MACROD2: variants seen among roughly 807,000 people sequenced by gnomAD.
The protein encoded by MACROD2 is mono-ADP ribosylhydrolase 2, also known as ADP-ribose glycohydrolase MACROD2.
A neutral mutation model predicts 70.4 loss-of-function variants in MACROD2; 36 were observed. The ratio of observed to expected loss-of-function variants is 0.51; its 90% CI spans 0.39 to 0.68. The LOEUF (loss-of-function observed/expected upper bound fraction) is 0.68. Ranked by LOEUF, MACROD2 falls within the 30% of genes least tolerant of loss-of-function variation. The pLI, the probability that MACROD2 is intolerant of heterozygous loss-of-function variation, is 0.00. For missense variants in MACROD2, 496 were observed against 538.4 expected (o/e 0.92, Z 0.78); for synonymous variants, 172 against 178.8 (o/e 0.96, Z 0.30).
At chr20:15,770,074 ATTTAT>A (rs1164204666) in intron 8 of MACROD2, among the ~76,000 whole-genome samples, 1 of 133,496 alleles carries the variant, frequency 7.5e-6, no homozygotes, top group Non-Finnish European at 1.6e-5. Context: ...TATTTTTTTA[ATTTAT>A]TTTAATTTTC....
intron 8 of MACROD2, among the ~76,000 whole-genome samples, chr20:15,539,487 G>T (rs1385830359): frequency 6.6e-6 from 1 of 152,104 alleles, no homozygotes; most frequent in African/African-American, 2.4e-5. Context: ...TCCAGCAATT[G>T]CTTCTTTGTT....
At chr20:15,027,544 A>ATGG (rs1555775289) in intron 5 of MACROD2, among the ~76,000 whole-genome samples, 3 of 136,890 alleles carry the variant, frequency 2.2e-5, no homozygotes, top group African/African-American at 5.0e-5. Flanking sequence ...GGTGGTAGTG[A>ATGG]TGGTGGTGGT....
chr20:14,785,117 G>A (rs749967871), intron 5 of MACROD2, among the ~76,000 whole-genome samples: 8 of 151,772 alleles, frequency 5.3e-5, no homozygotes, highest in Non-Finnish European at 1.2e-4. Context: ...GAAACAAATT[G>A]CCTCTCAGTC....
chr20:15,410,848 A>C (rs2046068023), intron 6 of MACROD2, among the ~76,000 whole-genome samples: 1 of 152,190 alleles, frequency 6.6e-6, no homozygotes, highest in South Asian at 2.1e-4. Flanking sequence ...CCCATTCAAC[A>C]TATGATCATG....
intron 5 of MACROD2, among the ~76,000 whole-genome samples, chr20:14,945,557 C>T (rs1390076301): frequency 6.6e-6 from 1 of 152,122 alleles, no homozygotes; most frequent in African/African-American, 2.4e-5. Flanking sequence ...CATTTGGGTA[C>T]CTTCCTTGCT....
At chr20:15,365,746 G>A (rs1568752213) in intron 6 of MACROD2, among the ~76,000 whole-genome samples, 2 of 151,700 alleles carry the variant, frequency 1.3e-5, no homozygotes, top group African/African-American at 4.8e-5. Flanking sequence ...TATCAAAAGA[G>A]TTTTTAAATT....
chr20:15,668,499 C>T (rs979265047), intron 8 of MACROD2, among the ~76,000 whole-genome samples: 3 of 151,906 alleles, frequency 2.0e-5, no homozygotes, highest in African/African-American at 7.3e-5. Flanking sequence ...ACCTGGGAGG[C>T]GGAGCTTGCA....
chr20:14,083,543 C>T (rs2054029788), intron 2 of MACROD2, among the ~76,000 whole-genome samples: 1 of 152,082 alleles, frequency 6.6e-6, no homozygotes, highest in Non-Finnish European at 1.5e-5. Context: ...TTTATCCAGA[C>T]TCACCCAGCT....
intron 3 of MACROD2, among the ~76,000 whole-genome samples, chr20:14,279,227 A>C (rs1006615233): frequency 1.1e-4 from 16 of 152,236 alleles, no homozygotes; most frequent in Admixed American, 2.6e-4. Flanking sequence ...ACAGAGAAGG[A>C]AAATAATTTC....
At chr20:14,011,057 G>A (rs541323338) in intron 2 of MACROD2, among the ~76,000 whole-genome samples, 13 of 152,232 alleles carry the variant, frequency 8.5e-5, no homozygotes, top group African/African-American at 3.1e-4. Context: ...GTGTAGTGCT[G>A]CTTAAAGGTC....
At chr20:15,813,609 C>A (rs2063842620) in intron 8 of MACROD2, among the ~76,000 whole-genome samples, 1 of 152,066 alleles carries the variant, frequency 6.6e-6, no homozygotes, top group African/African-American at 2.4e-5. Flanking sequence ...GAGATCTTGT[C>A]TCTATAAAAA....
chr20:15,449,700 A>G (rs2046614871), intron 7 of MACROD2, among the ~76,000 whole-genome samples: 1 of 152,120 alleles, frequency 6.6e-6, no homozygotes, highest in South Asian at 2.1e-4. Context: ...AACATTTTAA[A>G]CATGCACAGA....
intron 12 of MACROD2, among the ~76,000 whole-genome samples, chr20:15,965,355 G>C (rs528090751): frequency 6.6e-6 from 1 of 152,172 alleles, no homozygotes; most frequent in South Asian, 2.1e-4. Context: ...AATGCTTTTC[G>C]CCCATCTTAT....
At chr20:14,770,898 A>G (rs554532841) in intron 5 of MACROD2, among the ~76,000 whole-genome samples, 1 of 152,192 alleles carries the variant, frequency 6.6e-6, no homozygotes, top group South Asian at 2.1e-4. Context: ...TTATATTTTC[A>G]TATTTACCAA....
rs1283274264 is a variant in MACROD2, at chr20:14,326,540, G to A, written c.272-166939G>A. ...CCACGCACGTTGACCTTCACAGGTA[G>A]TGATTGTAACCAGTCACGTACCCAT... On this transcript the variant is annotated intron_variant, in intron 3 of 17. Transcript: ENST00000684519. This position sits in a 1 kb window ranked among gnomAD's most constrained non-coding sequence, Gnocchi z 5.5. The A allele has an allele frequency of 6.2e-7, 1 of 1,613,752 alleles. No individual in the cohort carries two copies. Among genetic ancestry groups the A allele is most frequent in the African/African-American group, 1.3e-5 (1 of 74,896 alleles).
At chr20:14,230,191 C>T (rs1357519217) in intron 3 of MACROD2, among the ~76,000 whole-genome samples, 1 of 152,094 alleles carries the variant, frequency 6.6e-6, no homozygotes, top group Non-Finnish European at 1.5e-5. Context: ...AGTAAGACAA[C>T]AGGGAAGTTT....
intron 5 of MACROD2, among the ~76,000 whole-genome samples, chr20:14,729,652 A>C (rs2071570790): frequency 6.6e-6 from 1 of 152,164 alleles, no homozygotes; most frequent in Admixed American, 6.5e-5. Context: ...AAAACTCCCA[A>C]GCTAAATATT....
chr20:14,864,454 G>T (rs2073406173), intron 5 of MACROD2, among the ~76,000 whole-genome samples: 1 of 151,964 alleles, frequency 6.6e-6, no homozygotes, highest in African/African-American at 2.4e-5. Context: ...TTAATTTTAA[G>T]ATTTCAATGT....
chr20:15,234,027 T>A (rs1437983804), intron 6 of MACROD2, among the ~76,000 whole-genome samples: 38 of 23,032 alleles, frequency 1.6e-3, no homozygotes, highest in Admixed American at 5.4e-3. Flanking sequence ...TTTTTTTTTT[T>A]TTTTTTTTTT....
Sources: gnomAD v4.1 joint callset for allele counts (sites outside exome capture counted in the v4.1 genomes callset) on GRCh38, gnomAD v4.1.1 for gene constraint, Gnocchi (gnomAD v3.1) non-coding constraint, MANE v1.5 for transcripts, NCBI Gene and HGNC (gene_info 2026-07-23, HGNC 2026-07-21) for gene names.